ST8SIA1: variants seen among roughly 807,000 people sequenced by gnomAD.
ST8SIA1 encodes the protein alpha-N-acetylneuraminide alpha-2,8-sialyltransferase.
A neutral mutation model predicts 35.9 loss-of-function variants in ST8SIA1; 16 were observed. The observed-to-expected ratio is 0.45, with a 90% CI of 0.30 to 0.68. ST8SIA1 has a LOEUF of 0.68. Among genes scored for constraint, ST8SIA1 ranks in the 30% least tolerant of loss-of-function variants. ST8SIA1 has a pLI of 0.09. For missense variants in ST8SIA1, 383 were observed against 453.6 expected (o/e 0.84, Z 1.41); for synonymous variants, 170 against 169.6 (o/e 1.00, Z -0.02).
chr12:22,265,123 T>C (rs1865831903), intron 2 of ST8SIA1, among the ~76,000 whole-genome samples: 1 of 152,252 alleles, frequency 6.6e-6, no homozygotes, highest in African/African-American at 2.4e-5. Context: ...TGAAATTTTT[T>C]ACTGATGTTG....
chr12:22,309,713 T>A (rs929888443), intron 1 of ST8SIA1, among the ~76,000 whole-genome samples: 1 of 152,140 alleles, frequency 6.6e-6, no homozygotes, highest in Non-Finnish European at 1.5e-5. Context: ...TGCAACACTT[T>A]ATGAGAAATA....
intron 4 of ST8SIA1, among the ~76,000 whole-genome samples, chr12:22,246,447 G>A (rs1865603078): frequency 1.3e-5 from 2 of 151,730 alleles, no homozygotes; most frequent in Admixed American, 1.3e-4. Flanking sequence ...TGAGATCTTC[G>A]ATCTCATTCC....
intron 1 of ST8SIA1, among the ~76,000 whole-genome samples, chr12:22,309,067 G>A (rs1019846537): frequency 6.6e-6 from 1 of 152,118 alleles, no homozygotes; most frequent in African/African-American, 2.4e-5. Context: ...ACCATCAGGA[G>A]ATGTCTAAAG....
Position 22,236,087 on chromosome 12 carries a change from C to CCAA in ST8SIA1, c.584+12916_584+12918dup, listed in dbSNP as rs1865473453. Among the ~76,000 whole-genome samples, 5 of 152,274 alleles carry CCAA rather than the reference C, an allele frequency of 3.3e-5. 1 individual carries two copies. In the South Asian group the frequency reaches 1.0e-3, roughly 32 times the overall value. Reference sequence around the variant, plus strand: ...TTTAGACATTTCAGTTTGTTTCTAGCCAACATGCCTAAGTTTCCCAAAGAT... The same window carrying CCAA: ...TTTAGACATTTCAGTTTGTTTCTAGCCAACAACATGCCTAAGTTTCCCAAAGAT... On this transcript the variant is annotated intron_variant, in intron 4 of 4. Transcript: ENST00000396037.
intron 2 of ST8SIA1, among the ~76,000 whole-genome samples, chr12:22,271,028 T>C (rs561537533): frequency 3.2e-4 from 49 of 152,314 alleles, no homozygotes; most frequent in African/African-American, 1.2e-3. Flanking sequence ...GCCTTTTACA[T>C]GAGGTAGGTA....
rs1864979720 is a variant in ST8SIA1 at position 22,195,763 on chromosome 12, G to C, written c.*5789C>G. 6.6e-6 allele frequency: 1 copy of C among 152,048 alleles called. No individual in the cohort carries two copies. The highest frequency in any genetic ancestry group is 2.1e-4 in the South Asian group (1 of 4,812). The allele number at this position is 152,048 out of a possible 1,614,324, so 9.4% of individuals were successfully genotyped here. ...CTTTTCAAATTAAAACCAAGATTTTGTCTCTCTTTTTTTCAGTTTGGTTAA... is the reference window on the plus strand; with the variant it reads ...CTTTTCAAATTAAAACCAAGATTTTCTCTCTCTTTTTTTCAGTTTGGTTAA... On this transcript the variant is annotated 3_prime_UTR_variant, in exon 5 of 5. Coordinates refer to ENST00000396037, the MANE Select transcript of ST8SIA1 (RefSeq NM_003034.4).
chr12:22,315,207 T>TA lies in ST8SIA1; in HGVS notation c.236+18789dup, dbSNP rs919135328. ...AAACTCAATAATGACTCGTTGAATT[T>TA]AAAAAAAAAAAGTGCTAAACAGAGT... On this transcript the variant is annotated intron_variant, in intron 1 of 4. Transcript: ENST00000396037. Among the ~76,000 whole-genome samples, 293 of 147,242 alleles carry TA rather than the reference T, an allele frequency of 2.0e-3. 3 individuals are homozygous for TA. The highest frequency in any genetic ancestry group is 8.8e-3 in the South Asian group (41 of 4,654).
intron 1 of ST8SIA1, among the ~76,000 whole-genome samples, chr12:22,322,972 C>T (rs894126264): frequency 6.6e-5 from 10 of 152,136 alleles, no homozygotes; most frequent in Admixed American, 6.5e-5. Flanking sequence ...AGTTCATTTT[C>T]CTTTTTAAAT....
In ST8SIA1 at chr12:22,285,877, C is replaced by CA. The variant is rs1398352110; in HGVS notation, c.381+1271dup. On this transcript the variant is annotated intron_variant, in intron 2 of 4. Coordinates refer to ENST00000396037, the MANE Select transcript of ST8SIA1 (RefSeq NM_003034.4). ...AGAGTAAGTAAGACTCTGTCAAAAA[C>CA]AAAAAAAAAAAAAAAAAAAGGACAT... 6.3e-3 allele frequency among the ~76,000 whole-genome samples: 656 copies of CA among 103,618 alleles called. 7 individuals carry two copies. The highest frequency in any genetic ancestry group is 0.014 in the East Asian group (45 of 3,162). The allele number at this position is 103,618 out of a possible 152,430, so 68.0% of individuals were successfully genotyped here. A position where few individuals can be genotyped will look rare whatever the true frequency, so the allele number is the denominator to read the frequency against.
At chr12:22,240,023 A>G (rs1377184662) in intron 4 of ST8SIA1, among the ~76,000 whole-genome samples, 1 of 152,050 alleles carries the variant, frequency 6.6e-6, no homozygotes, top group African/African-American at 2.4e-5. Flanking sequence ...ATTTCTCTAA[A>G]TCTGATGAGT....
At chr12:22,321,447 T>C (rs867611997) in intron 1 of ST8SIA1, among the ~76,000 whole-genome samples, 24 of 152,306 alleles carry the variant, frequency 1.6e-4, no homozygotes, top group African/African-American at 5.1e-4. Flanking sequence ...AAGCAGCAGC[T>C]CCTAGAGGAG....
chr12:22,240,635 A>T (rs1865529442), intron 4 of ST8SIA1, among the ~76,000 whole-genome samples: 1 of 152,198 alleles, frequency 6.6e-6, no homozygotes, highest in Non-Finnish European at 1.5e-5. Context: ...CACAATTTTA[A>T]AGATAAATTG....
chr12:22,259,704 G>A (rs1258834863), intron 2 of ST8SIA1, among the ~76,000 whole-genome samples: 1 of 151,832 alleles, frequency 6.6e-6, no homozygotes, highest in African/African-American at 2.4e-5. Flanking sequence ...CTGACCTTGT[G>A]ATCCGCCTGC....
At chr12:22,306,353 T>C (rs1490392607) in intron 1 of ST8SIA1, among the ~76,000 whole-genome samples, 1 of 152,114 alleles carries the variant, frequency 6.6e-6, no homozygotes, top group Non-Finnish European at 1.5e-5. Flanking sequence ...CACCTTATTC[T>C]TTCTTTCTTT....
chr12:22,283,540 C>T (rs1866061203), intron 2 of ST8SIA1, among the ~76,000 whole-genome samples: 1 of 152,156 alleles, frequency 6.6e-6, no homozygotes, highest in South Asian at 2.1e-4. Flanking sequence ...ATCACACCGT[C>T]CTCCCCAAAT....
chr12:22,302,806 T>C (rs537716761), intron 1 of ST8SIA1, among the ~76,000 whole-genome samples: 10 of 152,106 alleles, frequency 6.6e-5, no homozygotes, highest in East Asian at 1.9e-4. Context: ...GCATGTCTGA[T>C]TGACACCCTT....
At position 22,334,357 on chromosome 12, in the gene ST8SIA1, C is replaced by T. The variant is rs906487015; in HGVS notation, c.-125G>A. The T allele has an allele frequency of 1.4e-6, 1 of 690,452 alleles. No homozygotes were observed. Among genetic ancestry groups the T allele is most frequent in the Non-Finnish European group, 2.4e-6 (1 of 416,282 alleles). 42.8% of individuals were successfully genotyped at this position (690,452 alleles called of 1,614,324 possible). A position where few individuals can be genotyped will look rare whatever the true frequency, so the allele number is the denominator to read the frequency against. The stretch of plus-strand genomic sequence containing the variant: ...CACCTTTGGTTCTCTTACTTGCAAA[C>T]GCACGCACGCTTCTTCGGCCCCGTC... On this transcript the variant is annotated 5_prime_UTR_variant, in exon 1 of 5. Transcript: ENST00000396037.
chr12:22,219,049 CAAAG>C (rs1328481970), intron 4 of ST8SIA1, among the ~76,000 whole-genome samples: 1 of 151,970 alleles, frequency 6.6e-6, no homozygotes, highest in African/African-American at 2.4e-5. Context: ...TATTTTATGA[CAAAG>C]AACTTGGCTA....
rs115363196 is a variant in ST8SIA1 at position 22,312,097 on chromosome 12, T to G, written c.236+21900A>C. On this transcript the variant is annotated intron_variant, in intron 1 of 4. Transcript: ENST00000396037. ...GATGTTCCCCATAAATTCTAGTGTG[T>G]TGCCCCAAAGGTAGAGGGTTAACAT... Among the ~76,000 whole-genome samples, 1,344 of 152,196 alleles carry G rather than the reference T, an allele frequency of 8.8e-3. 23 individuals carry two copies. Among genetic ancestry groups the G allele is most frequent in the African/African-American group, 0.031 (1,288 of 41,524 alleles).
Sources: gnomAD v4.1 joint callset for allele counts (sites outside exome capture counted in the v4.1 genomes callset) on GRCh38, gnomAD v4.1.1 for gene constraint, MANE v1.5 for transcripts, NCBI Gene and HGNC (gene_info 2026-07-23, HGNC 2026-07-21) for gene names.